Variants in ZDHHC17 observed in about 807,000 individuals in gnomAD.
ZDHHC17 encodes zDHHC palmitoyltransferase 17, also known as palmitoyltransferase ZDHHC17.
ZDHHC17 carries 40 observed loss-of-function variants against 90.3 expected under a neutral mutation model. That is an observed-to-expected ratio of 0.44 (90% CI 0.34 to 0.58). ZDHHC17 has a LOEUF of 0.58. ZDHHC17 is among the 20% of genes least tolerant of loss of function. ZDHHC17 has a pLI of 0.01. For synonymous variants in ZDHHC17, 235 were observed against 252.4 expected, an observed-to-expected ratio of 0.93 and a Z score of 0.65; for missense variants, 614 against 780.8, an observed-to-expected ratio of 0.79 and a Z score of 2.55.
intron 2 of ZDHHC17, among the ~76,000 whole-genome samples, chr12:76,801,633 T>G (rs1349791621): frequency 2.0e-5 from 3 of 151,920 alleles, no homozygotes; most frequent in African/African-American, 4.8e-5. Context: ...CAGCCTGGGC[T>G]ACACAGCAAG....
rs763675369 is a variant in ZDHHC17, at chr12:76,828,465, G to A, written c.1116G>A (p.Val372=). 6.2e-7 allele frequency: 1 copy of A among 1,613,202 alleles called. No individual in the cohort carries two copies. Among genetic ancestry groups the A allele is most frequent in the Non-Finnish European group, 8.5e-7 (1 of 1,179,514 alleles). Residue 372 remains valine, a synonymous_variant, in exon 10 of 17, where the codon GTG becomes GTA. Coordinates refer to ENST00000426126, the MANE Select transcript of ZDHHC17 (RefSeq NM_015336.4). ...IYLATKFWMY[V]TWFFWFWNDL... is the part of the protein sequence containing the mutation. ...TGGCAACCAAATTCTGGATGTATGT[G>A]ACGTGGTTCTTCTGGTTTTGGAATG...
Position 76,853,037 on chromosome 12 carries a change from G to GT in ZDHHC17, c.*2058dup, listed in dbSNP as rs1953583589. On this transcript the variant is annotated 3_prime_UTR_variant, in exon 17 of 17. Transcript: ENST00000426126. ...TTATCAACAGTTAAAGACTATGGTG[G>GT]TTTTTTCAGAGTTTGGCTAAGAATG... The GT allele has an allele frequency of 6.6e-6, 1 of 152,232 alleles. No individual in the cohort carries two copies. 9.4% of individuals were successfully genotyped at this position (152,232 alleles called of 1,614,324 possible). A position where few individuals can be genotyped will look rare whatever the true frequency, so the allele number is the denominator to read the frequency against.
chr12:76,830,921 G>T (rs1953292554), intron 10 of ZDHHC17, among the ~76,000 whole-genome samples: 1 of 152,054 alleles, frequency 6.6e-6, no homozygotes, highest in African/African-American at 2.4e-5. Context: ...TAGGGAAATA[G>T]TATAAAATAG....
chr12:76,824,797 C>G (rs1361196385), intron 8 of ZDHHC17, among the ~76,000 whole-genome samples: 1 of 150,438 alleles, frequency 6.6e-6, no homozygotes, highest in African/African-American at 2.5e-5. Context: ...GAGCCAAGAT[C>G]ATGCCACTGC....
chr12:76,792,411 T>G (rs1475958751), intron 1 of ZDHHC17, among the ~76,000 whole-genome samples: 1 of 152,200 alleles, frequency 6.6e-6, no homozygotes, highest in Non-Finnish European at 1.5e-5. Context: ...CCCATCAAGG[T>G]ATGCAAATAA....
At chr12:76,843,354 C>G (rs1305941771) in intron 12 of ZDHHC17, among the ~76,000 whole-genome samples, 1 of 152,046 alleles carries the variant, frequency 6.6e-6, no homozygotes, top group Non-Finnish European at 1.5e-5. Flanking sequence ...TATTTAAAAG[C>G]CACATGGGAA....
chr12:76,816,980 C>T (rs1953096202), intron 7 of ZDHHC17, among the ~76,000 whole-genome samples: 1 of 151,984 alleles, frequency 6.6e-6, no homozygotes, highest in Admixed American at 6.6e-5. Flanking sequence ...AGTTCCATAT[C>T]TGCCACTAAA....
chr12:76,785,106 C>G (rs1020986089), intron 1 of ZDHHC17, among the ~76,000 whole-genome samples: 3 of 152,242 alleles, frequency 2.0e-5, no homozygotes, highest in Non-Finnish European at 4.4e-5. Context: ...AATCATTAGA[C>G]TTCCACCTTA....
At chr12:76,764,483 G>A (rs1161841887) in intron 1 of ZDHHC17, 154 bp downstream of exon 1, 1 of 709,660 alleles carries the variant, frequency 1.4e-6, no homozygotes, top group Non-Finnish European at 2.3e-6. Flanking sequence ...GCGCGGCTGC[G>A]AGCGGATAAC....
In ZDHHC17 at chr12:76,850,942, T is replaced by C. The variant is rs769893518; in HGVS notation, c.1856T>C (p.Ile619Thr). The C allele has an allele frequency of 1.4e-5, 22 of 1,613,924 alleles. 1 individual carries two copies. In the South Asian group the frequency reaches 2.2e-4, roughly 16 times the overall value. The change falls in exon 17 of 17, where the codon ATA becomes ACA. Residue 619 changes from isoleucine to threonine, a missense_variant. Coordinates refer to ENST00000426126, the MANE Select transcript of ZDHHC17 (RefSeq NM_015336.4). The stretch of plus-strand genomic sequence containing the variant: ...GTGGACTGGACCAGGCAGTATACAA[T>C]AGAATATGACCAAATATCAGGATCT... ...VIVDWTRQYTIEYDQISGSGY... is the reference protein window; with the variant it reads ...VIVDWTRQYTTEYDQISGSGY...
intron 16 of ZDHHC17, 65 bp downstream of exon 16, chr12:76,849,535 CTT>C: frequency 2.0e-6 from 2 of 986,620 alleles, no homozygotes; most frequent in East Asian, 2.8e-5. Flanking sequence ...TAACCAGACT[CTT>C]TTACTTAGTG....
chr12:76,834,104 A>T (rs1233154807), intron 10 of ZDHHC17, among the ~76,000 whole-genome samples: 2 of 152,210 alleles, frequency 1.3e-5, no homozygotes, highest in Non-Finnish European at 2.9e-5. Context: ...AAATGCACAA[A>T]GGAAAAGAGC....
At chr12:76,817,963 T>G (rs1373586154) in intron 7 of ZDHHC17, among the ~76,000 whole-genome samples, 5 of 152,184 alleles carry the variant, frequency 3.3e-5, no homozygotes, top group Non-Finnish European at 7.4e-5. Context: ...GTGTCTATAA[T>G]TGAGCTAATT....
At chr12:76,836,917 A>G (rs1953371711) in intron 10 of ZDHHC17, among the ~76,000 whole-genome samples, 1 of 152,224 alleles carries the variant, frequency 6.6e-6, no homozygotes, top group African/African-American at 2.4e-5. Context: ...GGTAAAAAGC[A>G]TTAGCAATGA....
intron 5 of ZDHHC17, chr12:76,813,363 A>G (rs1953048351): frequency 2.2e-6 from 1 of 452,804 alleles, no homozygotes; most frequent in Non-Finnish European, 4.4e-6. Flanking sequence ...GTGAGGTTGC[A>G]GAAGATATTC....
At chr12:76,841,772 A>G (rs528604353) in intron 10 of ZDHHC17, among the ~76,000 whole-genome samples, 11 of 152,260 alleles carry the variant, frequency 7.2e-5, no homozygotes, top group South Asian at 6.2e-4. Context: ...TTTTTAATAT[A>G]TTCACTAACT....
At chr12:76,788,688 AT>A (rs763269507) in intron 1 of ZDHHC17, among the ~76,000 whole-genome samples, 16,595 of 98,192 alleles carry the variant, frequency 0.17, 3,999 homozygotes, top group Non-Finnish European at 0.22. Flanking sequence ...TGGAATCGCA[AT>A]TTTTTTTTTT....
Position 76,764,188 on chromosome 12 carries a change from G to A in ZDHHC17, c.-49G>A, listed in dbSNP as rs745709520. 1 of 1,371,086 alleles carries A rather than the reference G, an allele frequency of 7.3e-7. No homozygotes were observed. Among genetic ancestry groups the A allele is most frequent in the East Asian group, 2.8e-5 (1 of 35,560 alleles). 84.9% of individuals were successfully genotyped at this position (1,371,086 alleles called of 1,614,324 possible). A position where few individuals can be genotyped will look rare whatever the true frequency, so the allele number is the denominator to read the frequency against. ...CGGGGCTCGCGCTCGCCCCGCGCTC[G>A]CCCTCCGCCTCGCCCGAGCCCCGGG... On this transcript the variant is annotated 5_prime_UTR_variant, in exon 1 of 17. Coordinates refer to ENST00000426126, the MANE Select transcript of ZDHHC17 (RefSeq NM_015336.4).
rs1473442832 is a variant in ZDHHC17 at position 76,764,125 on chromosome 12, CAGGAGA to C, written c.-109_-104del. The C allele has an allele frequency of 1.3e-6, 1 of 795,868 alleles. No homozygotes were observed. The highest frequency in any genetic ancestry group is 2.9e-5 in the East Asian group (1 of 34,926). 49.3% of individuals were successfully genotyped at this position (795,868 alleles called of 1,614,324 possible). ...GGGGACAGAGGGGGCGTCACGGGGG[CAGGAGA>C]AGAAGGAGGAGGAGGCCCGCGTCGC... is the stretch of plus-strand genomic sequence containing the variant. On this transcript the variant is annotated 5_prime_UTR_variant, in exon 1 of 17. Transcript: ENST00000426126.
Sources: allele counts gnomAD v4.1 joint callset (sites outside exome capture counted in the v4.1 genomes callset), GRCh38; gene constraint gnomAD v4.1.1; transcripts MANE v1.5; gene names NCBI Gene and HGNC (gene_info 2026-07-23, HGNC 2026-07-21).